The following TERB2 variants were observed in gnomAD, a reference collection of about 807,000 sequenced individuals.
The protein encoded by TERB2 is telomere repeat binding bouquet formation protein 2, also known as telomere repeats-binding bouquet formation protein 2.
A neutral mutation model predicts 29.8 loss-of-function variants in TERB2; 26 were observed. That is an observed-to-expected ratio of 0.87 (90% confidence interval 0.64 to 1.21). TERB2 has a LOEUF of 1.21. Among genes scored for constraint, TERB2 ranks in the 50% most tolerant of loss-of-function variants. The pLI, the probability that TERB2 is intolerant of heterozygous loss-of-function variation, is 0.00. For synonymous variants in TERB2, 80 were observed against 90.8 expected (o/e 0.88, Z 0.68); for missense variants, 240 against 268.6 (o/e 0.89, Z 0.74).
At chr15:44,959,799 T>C (rs1408082689) in intron 3 of TERB2, among the ~76,000 whole-genome samples, 1 of 152,210 alleles carries the variant, frequency 6.6e-6, no homozygotes, top group African/African-American at 2.4e-5. Context: ...ATACATATCG[T>C]AGATACGTGT....
chr15:44,977,116 C>CACACACACACACA (rs1566947510), intron 6 of TERB2, among the ~76,000 whole-genome samples: 3 of 151,418 alleles, frequency 2.0e-5, no homozygotes, highest in African/African-American at 7.3e-5. Flanking sequence ...CACACACACA[C>CACACACACACACA]CCCAGAAAAA....
At chr15:44,966,523 A>G (rs1891891233) in intron 5 of TERB2, among the ~76,000 whole-genome samples, 1 of 152,208 alleles carries the variant, frequency 6.6e-6, no homozygotes. Flanking sequence ...TTTACTATGT[A>G]GAATACTATA....
intron 4 of TERB2, among the ~76,000 whole-genome samples, chr15:44,964,660 C>T (rs1211803507): frequency 6.6e-6 from 1 of 152,012 alleles, no homozygotes; most frequent in South Asian, 2.1e-4. Flanking sequence ...CTTGTATGGA[C>T]GTTGACTCTA....
At chr15:44,968,861 G>C (rs897144476) in intron 5 of TERB2, among the ~76,000 whole-genome samples, 1 of 151,988 alleles carries the variant, frequency 6.6e-6, no homozygotes, top group Non-Finnish European at 1.5e-5. Flanking sequence ...TAAATTATCG[G>C]ATGTGGAAAT....
rs1406109071 is a variant in TERB2 at position 44,973,922 on chromosome 15, C to T, written c.490C>T (p.Leu164=). 4 of 1,601,500 alleles carry T rather than the reference C, an allele frequency of 2.5e-6. No homozygotes were observed. Among genetic ancestry groups the T allele is most frequent in the Non-Finnish European group, 3.4e-6 (4 of 1,173,030 alleles). Residue 164 remains leucine (L), a synonymous_variant, in exon 6 of 7, where the codon CTA becomes TTA. Coordinates refer to ENST00000340827, the MANE Select transcript of TERB2 (RefSeq NM_152448.3). The part of the protein sequence containing the change: ...PVVEKQMYFP[L]QNYPVNNMVT... The stretch of plus-strand genomic sequence containing the variant: ...TGTAGAAAAGCAGATGTACTTCCCT[C>T]TACAGAATTACCCAGTTAACAACAT...
At chr15:44,966,667 T>A (rs1209755303) in intron 5 of TERB2, among the ~76,000 whole-genome samples, 1 of 152,210 alleles carries the variant, frequency 6.6e-6, no homozygotes. Context: ...ATCACACTTA[T>A]GAACTACAAA....
intron 5 of TERB2, among the ~76,000 whole-genome samples, chr15:44,972,795 C>T (rs910009274): frequency 6.6e-5 from 10 of 151,662 alleles, no homozygotes; most frequent in South Asian, 2.1e-4. Flanking sequence ...GGATTATAGG[C>T]GTGAACCACT....
intron 2 of TERB2, 95 bp from the exon 3 acceptor site, chr15:44,958,278 G>A (rs929630087): frequency 2.2e-6 from 3 of 1,390,590 alleles, no homozygotes; most frequent in Non-Finnish European, 1.9e-6. Context: ...CAATGTAATC[G>A]TCTCCCTACT....
intron 4 of TERB2, among the ~76,000 whole-genome samples, chr15:44,964,018 C>T (rs1361454542): frequency 1.3e-5 from 2 of 151,850 alleles, no homozygotes; most frequent in African/African-American, 4.8e-5. Flanking sequence ...ACCATGTTGG[C>T]CGGGATGGTC....
chr15:44,978,603 TA>T lies in TERB2; in HGVS notation c.644del (p.Asn215ThrfsTer3). On this transcript the variant is annotated frameshift_variant, in exon 7 of 7. Coordinates refer to ENST00000340827, the MANE Select transcript of TERB2 (RefSeq NM_152448.3). LOFTEE classifies it high-confidence loss of function. Reference sequence around the variant, plus strand: ...CAAAATGAAATTAATATGTCTGCTATAAAAAACAAATTGAAGAGGAAATAGT... The same window carrying T: ...CAAAATGAAATTAATATGTCTGCTATAAAAACAAATTGAAGAGGAAATAGT... ...HVQNEINMSA[I>X]KNKLKRK is the part of the protein sequence containing the mutation. The T allele has an allele frequency of 1.3e-6, 2 of 1,597,850 alleles. No homozygotes were observed. The highest frequency in any genetic ancestry group is 1.7e-6 in the Non-Finnish European group (2 of 1,173,434).
In TERB2 at chr15:44,965,568, T is replaced by C. The variant is rs1281905467; in HGVS notation, c.349-590T>C. On this transcript the variant is annotated intron_variant, in intron 4 of 6. Coordinates refer to ENST00000340827, the MANE Select transcript of TERB2 (RefSeq NM_152448.3). ...TATATTATATATTTATATATCTATATATTATATAAATCTATATATCATATA... is the reference window on the plus strand; with the variant it reads ...TATATTATATATTTATATATCTATACATTATATAAATCTATATATCATATA... 3.5e-5 allele frequency among the ~76,000 whole-genome samples: 5 copies of C among 144,378 alleles called. No individual in the cohort carries two copies. The East Asian group carries it at 9.8e-4, about 28-fold the overall frequency. 94.7% of individuals were successfully genotyped at this position (144,378 alleles called of 152,430 possible). A position where few individuals can be genotyped will look rare whatever the true frequency, so the allele number is the denominator to read the frequency against.
intron 3 of TERB2, among the ~76,000 whole-genome samples, chr15:44,959,686 C>G (rs917989517): frequency 6.6e-6 from 1 of 152,056 alleles, no homozygotes; most frequent in African/African-American, 2.4e-5. Flanking sequence ...CTTTAACTAG[C>G]CCATGGGTAG....
chr15:44,977,558 TGCTTC>T (rs1892063637), intron 6 of TERB2, among the ~76,000 whole-genome samples: 1 of 152,188 alleles, frequency 6.6e-6, no homozygotes, highest in Non-Finnish European at 1.5e-5. Flanking sequence ...ATAGTAATAG[TGCTTC>T]AAGAGCTCCT....
At chr15:44,964,363 T>C (rs1288278086) in intron 4 of TERB2, among the ~76,000 whole-genome samples, 1 of 152,012 alleles carries the variant, frequency 6.6e-6, no homozygotes, top group East Asian at 1.9e-4. Context: ...TTCTAGGAGG[T>C]AATAGTATGT....
chr15:44,977,541 A>G (rs1367603470), intron 6 of TERB2, among the ~76,000 whole-genome samples: 2 of 152,226 alleles, frequency 1.3e-5, no homozygotes, highest in African/African-American at 4.8e-5. Flanking sequence ...TTATGAACTC[A>G]TAGAGTATAG....
In TERB2 at chr15:44,958,405, A is replaced by C. The variant is rs767468086; in HGVS notation, c.179A>C (p.Asn60Thr). The C allele has an allele frequency of 6.2e-7, 1 of 1,613,956 alleles. No homozygotes were observed. The highest frequency in any genetic ancestry group is 2.2e-5 in the East Asian group (1 of 44,882). ...CAGAGCCTTGATTACATAGAAGATA[A>C]TGCTACAGTTTTTCATGCCTACTAT... Reference protein sequence around the residue: ...IYQSLDYIEDNATVFHAYYLS... With the variant: ...IYQSLDYIEDTATVFHAYYLS... Residue 60 changes from asparagine to threonine, a missense_variant, in exon 3 of 7, where the codon AAT (asparagine) becomes ACT (threonine). Transcript: ENST00000340827.
At chr15:44,967,380 G>T (rs1442812789) in intron 5 of TERB2, among the ~76,000 whole-genome samples, 1 of 152,242 alleles carries the variant, frequency 6.6e-6, no homozygotes, top group Non-Finnish European at 1.5e-5. Context: ...GGCCAGTTGG[G>T]ATTCTAAAGA....
chr15:44,978,219 T>C (rs1027959719), intron 6 of TERB2, among the ~76,000 whole-genome samples: 1 of 152,172 alleles, frequency 6.6e-6, no homozygotes, highest in East Asian at 1.9e-4. Context: ...AGCCCCAACC[T>C]AGACATCACA....
chr15:44,961,686 G>A, intron 4 of TERB2, 102 bp downstream of exon 4: 2 of 739,428 alleles, frequency 2.7e-6, no homozygotes, highest in Admixed American at 3.0e-5. Context: ...TAGCACCAAT[G>A]AGTCAGATTA....
Sources: allele counts gnomAD v4.1 joint callset (sites outside exome capture counted in the v4.1 genomes callset), GRCh38; gene constraint gnomAD v4.1.1; transcripts MANE v1.5; gene names NCBI Gene and HGNC (gene_info 2026-07-23, HGNC 2026-07-21).